GRAMD2B: variants seen among roughly 807,000 people sequenced by gnomAD.
GRAMD2B encodes the protein GRAM domain containing 2B, also known as GRAM domain-containing protein 2B.
In GRAMD2B, 41 loss-of-function variants were observed where a neutral mutation model predicts 59.2. The ratio of observed to expected loss-of-function variants is 0.69; its 90% CI spans 0.54 to 0.90. The LOEUF is 0.90. Ranked by LOEUF, GRAMD2B falls within the 40% of genes least tolerant of loss-of-function variation. The probability of loss-of-function intolerance (pLI) is 0.00; values close to 1 mark genes in which losing one functional copy is unlikely to be tolerated. For synonymous variants in GRAMD2B, 161 were observed against 182.7 expected (o/e 0.88, Z 0.96); for missense variants, 424 against 500.5 (o/e 0.85, Z 1.46).
intron 1 of GRAMD2B, among the ~76,000 whole-genome samples, chr5:126,393,330 C>T (rs1273099509): frequency 2.0e-5 from 3 of 152,146 alleles, no homozygotes; most frequent in South Asian, 2.1e-4. Flanking sequence ...GATGTATTCT[C>T]ATAAAAATTT....
intron 1 of GRAMD2B, among the ~76,000 whole-genome samples, chr5:126,392,667 A>C (rs1756934555): frequency 6.6e-6 from 1 of 152,132 alleles, no homozygotes; most frequent in African/African-American, 2.4e-5. Context: ...CCATGAAAGA[A>C]AAATTCTTTT....
intron 10 of GRAMD2B, among the ~76,000 whole-genome samples, chr5:126,485,340 T>A (rs900899241): frequency 6.6e-6 from 1 of 152,080 alleles, no homozygotes; most frequent in African/African-American, 2.4e-5. Context: ...AGTGAGACTA[T>A]CTCAAAAAAA....
intron 10 of GRAMD2B, 27 bp downstream of exon 10, chr5:126,484,551 G>A: frequency 1.3e-6 from 2 of 1,579,298 alleles, no homozygotes; most frequent in Non-Finnish European, 1.7e-6. Flanking sequence ...TCAGGGGGGT[G>A]GGTTTAGAAG....
upstream of GRAMD2B, among the ~76,000 whole-genome samples, chr5:126,420,907 A>T (rs1759664012): frequency 1.3e-5 from 2 of 152,238 alleles, no homozygotes; most frequent in Admixed American, 1.3e-4. Flanking sequence ...CCAGCCAAAA[A>T]AAAATGAAAT....
chr5:126,387,697 A>G (rs1311799718), intron 1 of GRAMD2B, among the ~76,000 whole-genome samples: 4 of 152,050 alleles, frequency 2.6e-5, no homozygotes, highest in African/African-American at 9.7e-5. Context: ...TCATCTCACA[A>G]ATGGAGAACA....
At chr5:126,470,025 C>G (rs1367863320) in intron 3 of GRAMD2B, among the ~76,000 whole-genome samples, 1 of 152,140 alleles carries the variant, frequency 6.6e-6, no homozygotes, top group Admixed American at 6.5e-5. Context: ...GCTGTGGCCT[C>G]GAACTCTGAC....
intron 1 of GRAMD2B, among the ~76,000 whole-genome samples, chr5:126,416,186 C>T (rs1053944115): frequency 6.6e-6 from 1 of 152,202 alleles, no homozygotes; most frequent in Non-Finnish European, 1.5e-5. Context: ...TGCTCCGGGT[C>T]TAAACCATCT....
intron 1 of GRAMD2B, among the ~76,000 whole-genome samples, chr5:126,411,185 T>A (rs865828391): frequency 6.6e-6 from 1 of 152,092 alleles, no homozygotes; most frequent in South Asian, 2.1e-4. Context: ...CCAAGGCCAA[T>A]GTCCAAAATG....
chr5:126,445,829 AT>A (rs1190094600), intron 1 of GRAMD2B, among the ~76,000 whole-genome samples: 3 of 152,192 alleles, frequency 2.0e-5, no homozygotes. Flanking sequence ...AGAGAGCCGA[AT>A]CTGACTCAGG....
intron 1 of GRAMD2B, among the ~76,000 whole-genome samples, chr5:126,406,245 A>G (rs1325898383): frequency 6.6e-6 from 1 of 151,994 alleles, no homozygotes; most frequent in African/African-American, 2.4e-5. Context: ...AAATGGATAT[A>G]CCTAATGTTA....
upstream of GRAMD2B, chr5:126,423,132 T>A (rs542193204): frequency 4.9e-3 from 4,879 of 992,636 alleles, 6 homozygotes; most frequent in Non-Finnish European, 5.7e-3. Context: ...CACTCAGACG[T>A]CTCCATTTCC....
intron 1 of GRAMD2B, among the ~76,000 whole-genome samples, chr5:126,449,856 C>A (rs998298178): frequency 3.0e-4 from 45 of 152,160 alleles, no homozygotes; most frequent in African/African-American, 1.1e-3. Context: ...CCTGTGAACA[C>A]CCTACTCTGT....
chr5:126,407,773 G>T (rs1758387191), intron 1 of GRAMD2B, among the ~76,000 whole-genome samples: 1 of 151,940 alleles, frequency 6.6e-6, no homozygotes, highest in Non-Finnish European at 1.5e-5. Flanking sequence ...TTCTCAATTT[G>T]TAAAACTACT....
At chr5:126,476,002 G>A (rs1453239550) in intron 5 of GRAMD2B, among the ~76,000 whole-genome samples, 1 of 152,210 alleles carries the variant, frequency 6.6e-6, no homozygotes, top group Non-Finnish European at 1.5e-5. Flanking sequence ...CAGCTACTAG[G>A]GAGGCTGAGG....
intron 1 of GRAMD2B, among the ~76,000 whole-genome samples, chr5:126,442,100 C>T (rs1581012823): frequency 6.6e-6 from 1 of 151,086 alleles, no homozygotes; most frequent in Non-Finnish European, 1.5e-5. Flanking sequence ...GATACTTCAA[C>T]AAGAAGGCTA....
chr5:126,397,684 T>G (rs1346133014), intron 1 of GRAMD2B, among the ~76,000 whole-genome samples: 2 of 152,220 alleles, frequency 1.3e-5, no homozygotes, highest in African/African-American at 4.8e-5. Context: ...ATTTATTGAT[T>G]TGCATATGTT....
At chr5:126,448,743 C>G (rs1764795628) in intron 1 of GRAMD2B, among the ~76,000 whole-genome samples, 1 of 152,044 alleles carries the variant, frequency 6.6e-6, no homozygotes, top group East Asian at 1.9e-4. Flanking sequence ...TGGTGTCTGA[C>G]CGGGCTTGGA....
upstream of GRAMD2B, among the ~76,000 whole-genome samples, chr5:126,420,928 G>A (rs1759665880): frequency 6.6e-6 from 1 of 152,160 alleles, no homozygotes; most frequent in Admixed American, 6.5e-5. Context: ...TTGGATATAT[G>A]CTATGACATG....
chr5:126,428,374 A>G (rs574769486), intron 1 of GRAMD2B, among the ~76,000 whole-genome samples: 1 of 152,090 alleles, frequency 6.6e-6, no homozygotes, highest in Admixed American at 6.5e-5. Flanking sequence ...TATAAATTAT[A>G]TTAAACAAAT....
Sources: allele counts gnomAD v4.1 joint callset (sites outside exome capture counted in the v4.1 genomes callset), GRCh38; gene constraint gnomAD v4.1.1; transcripts MANE v1.5; gene names NCBI Gene and HGNC (gene_info 2026-07-23, HGNC 2026-07-21).